ABL1: variants seen among roughly 807,000 people sequenced by gnomAD.
ABL1 encodes the protein tyrosine-protein kinase ABL1.
In ABL1, 11 loss-of-function variants were observed where a neutral mutation model predicts 94.7. The ratio of observed to expected loss-of-function variants is 0.12; its 90% CI spans 0.07 to 0.19. The LOEUF (loss-of-function observed/expected upper bound fraction) is 0.19. Ranked by LOEUF, ABL1 falls within the 10% of genes least tolerant of loss-of-function variation. ABL1 has a pLI of 1.00. For missense variants in ABL1, 1,082 were observed against 1,489.4 expected (o/e 0.73, Z 4.50); for synonymous variants, 656 against 622.4 (o/e 1.05, Z -0.80).
At chr9:130,773,836 G>A (rs1455428919) in intron 1 of ABL1, among the ~76,000 whole-genome samples, 4 of 151,888 alleles carry the variant, frequency 2.6e-5, no homozygotes, top group African/African-American at 7.3e-5. Context: ...CATATATAAA[G>A]TATACAATTT....
At chr9:130,825,142 G>A (rs1197644324) in intron 1 of ABL1, among the ~76,000 whole-genome samples, 1 of 152,206 alleles carries the variant, frequency 6.6e-6, no homozygotes. Flanking sequence ...CATACTGGAG[G>A]AGACTATACT....
rs56263750 is a variant in ABL1, at chr9:130,750,192, C to CAT, written c.136+35780_136+35781dup. Among the ~76,000 whole-genome samples the CAT allele has an allele frequency of 9.6e-3, 1,011 of 105,832 alleles. 12 individuals carry two copies. The highest frequency in any genetic ancestry group is 0.014 in the Non-Finnish European group (702 of 49,428). 69.4% of individuals were successfully genotyped at this position (105,832 alleles called of 152,430 possible). A position where few individuals can be genotyped will look rare whatever the true frequency, so the allele number is the denominator to read the frequency against. On this transcript the variant is annotated intron_variant, in intron 1 of 10. Coordinates refer to the ABL1 transcript ENST00000372348. ...ACCCTGACTCAAGAAAAAAAAAATA[C>CAT]ATATATATATATATATATATATATA...
chr9:130,823,032 G>A (rs1371772499), intron 1 of ABL1, among the ~76,000 whole-genome samples: 2 of 152,026 alleles, frequency 1.3e-5, no homozygotes, highest in Non-Finnish European at 2.9e-5. Context: ...TACTGACCTC[G>A]TGATCCTCCC....
At chr9:130,838,488 C>T (rs1203121749) in intron 1 of ABL1, among the ~76,000 whole-genome samples, 1 of 151,600 alleles carries the variant, frequency 6.6e-6, no homozygotes, top group Non-Finnish European at 1.5e-5. Flanking sequence ...AAAGTAATTC[C>T]CTCTCCTATT....
chr9:130,730,548 TA>T (rs1831650915), intron 1 of ABL1, among the ~76,000 whole-genome samples: 1 of 152,146 alleles, frequency 6.6e-6, no homozygotes, highest in South Asian at 2.1e-4. Flanking sequence ...CATTGATTTT[TA>T]GGAGTTATTT....
intron 1 of ABL1, among the ~76,000 whole-genome samples, chr9:130,754,938 C>T (rs530525738): frequency 3.3e-5 from 5 of 151,978 alleles, no homozygotes; most frequent in Non-Finnish European, 4.4e-5. Flanking sequence ...CAGAGGAGTA[C>T]GTGGAGTAAG....
intron 1 of ABL1, among the ~76,000 whole-genome samples, chr9:130,730,188 A>T (rs953233907): frequency 2.0e-5 from 3 of 151,702 alleles, no homozygotes; most frequent in Non-Finnish European, 2.9e-5. Flanking sequence ...GAATATGGAC[A>T]TGTGCCACCA....
At chr9:130,841,420 T>C (rs942839287) in intron 1 of ABL1, among the ~76,000 whole-genome samples, 2 of 151,936 alleles carry the variant, frequency 1.3e-5, no homozygotes, top group African/African-American at 4.8e-5. Flanking sequence ...AATCTTATAA[T>C]GTTTTTAAGA....
At chr9:130,882,876 T>C (rs1006387368) in intron 10 of ABL1, among the ~76,000 whole-genome samples, 1 of 152,008 alleles carries the variant, frequency 6.6e-6, no homozygotes, top group Non-Finnish European at 1.5e-5. Context: ...ATTTAAAGAG[T>C]GCCCATTAAA....
Position 130,868,520 on chromosome 9 carries a change from CTT to C in ABL1, c.823-3589_823-3588del, listed in dbSNP as rs71389371. Among the ~76,000 whole-genome samples the C allele has an allele frequency of 8.5e-3, 951 of 112,064 alleles. 17 individuals are homozygous for C. Among genetic ancestry groups the C allele is most frequent in the African/African-American group, 0.03 (894 of 29,782 alleles). The allele number at this position is 112,064 out of a possible 152,430, so 73.5% of individuals were successfully genotyped here. A position where few individuals can be genotyped will look rare whatever the true frequency, so the allele number is the denominator to read the frequency against. Reference sequence around the variant, plus strand: ...GCCAAGCCATTTCTTTTTTCTTTTTCTTTTTTTTTTTTTTTTTTTTTCAGACA... The same window carrying C: ...GCCAAGCCATTTCTTTTTTCTTTTTCTTTTTTTTTTTTTTTTTTTCAGACA... On this transcript the variant is annotated intron_variant, in intron 4 of 10. Coordinates refer to ENST00000318560, the MANE Select transcript of ABL1 (RefSeq NM_005157.6).
intron 1 of ABL1, among the ~76,000 whole-genome samples, chr9:130,789,978 T>C (rs1454610444): frequency 6.6e-6 from 1 of 152,182 alleles, no homozygotes; most frequent in Non-Finnish European, 1.5e-5. Context: ...CTACAGGGAA[T>C]GGCAAAGAGA....
intron 1 of ABL1, among the ~76,000 whole-genome samples, chr9:130,766,285 G>C (rs1414747575): frequency 6.6e-6 from 1 of 152,164 alleles, no homozygotes; most frequent in African/African-American, 2.4e-5. Flanking sequence ...GGGCAGGACA[G>C]ATGCCTTACT....
At chr9:130,830,387 C>G (rs899581203), upstream of ABL1, among the ~76,000 whole-genome samples, 8 of 152,256 alleles carry the variant, frequency 5.3e-5, no homozygotes, top group African/African-American at 1.9e-4. Context: ...GAATTAGGCC[C>G]CCATTCAAGA....
chr9:130,735,961 A>ATATTTTTTT lies in ABL1; in HGVS notation c.136+21507_136+21508insATTTTTTTT, dbSNP rs573602038. Among the ~76,000 whole-genome samples, 666 of 94,768 alleles carry ATATTTTTTT rather than the reference A, an allele frequency of 7.0e-3. 6 individuals are homozygous for ATATTTTTTT. Among genetic ancestry groups the ATATTTTTTT allele is most frequent in the Non-Finnish European group, 8.3e-3 (475 of 57,206 alleles). 62.2% of individuals were successfully genotyped at this position (94,768 alleles called of 152,430 possible). A position where few individuals can be genotyped will look rare whatever the true frequency, so the allele number is the denominator to read the frequency against. ...TATATATATATATATATATATATAT[A>ATATTTTTTT]TTTTTTTTTTTTAAGACAGGGTCTG... On this transcript the variant is annotated intron_variant, in intron 1 of 10. Transcript: ENST00000372348.
At chr9:130,876,411 C>CTTT (rs60634610) in intron 7 of ABL1, among the ~76,000 whole-genome samples, 4 of 142,492 alleles carry the variant, frequency 2.8e-5, no homozygotes, top group Admixed American at 7.0e-5. Context: ...ATTACTTTTT[C>CTTT]TTTTTTTTTT....
At chr9:130,787,863 C>T (rs900273007) in intron 1 of ABL1, among the ~76,000 whole-genome samples, 1 of 152,188 alleles carries the variant, frequency 6.6e-6, no homozygotes, top group Non-Finnish European at 1.5e-5. Flanking sequence ...TTGCGTGTCC[C>T]ATTTCTCCTT....
chr9:130,796,649 T>G (rs1350776493), intron 1 of ABL1, among the ~76,000 whole-genome samples: 1 of 151,968 alleles, frequency 6.6e-6, no homozygotes, highest in African/African-American at 2.4e-5. Context: ...CTAAATCAGC[T>G]AGTTCATAAA....
At position 130,880,423 on chromosome 9, in the gene ABL1, AAG is replaced by A; in HGVS notation, c.1514-73_1514-72del. The A allele has an allele frequency of 1.9e-6, 3 of 1,543,876 alleles. No homozygotes were observed. Among genetic ancestry groups the A allele is most frequent in the Non-Finnish European group, 2.6e-6 (3 of 1,132,506 alleles). ...GATGAGCACTGTTACCTTACAAAGA[AAG>A]AGAACCACCACACCAAGCCAACACC... On this transcript the variant is annotated intron_variant, in intron 9 of 10. Coordinates refer to ENST00000318560, the MANE Select transcript of ABL1 (RefSeq NM_005157.6). This position sits in a 1 kb window ranked among gnomAD's most constrained non-coding sequence, Gnocchi z 4.4.
chr9:130,887,637 CTG>C lies in ABL1; in HGVS notation c.*1956_*1957del, dbSNP rs1831612621. 1 of 228,174 alleles carries C rather than the reference CTG, an allele frequency of 4.4e-6. No individual in the cohort carries two copies. The allele number at this position is 228,174 out of a possible 1,614,324, so 14.1% of individuals were successfully genotyped here. On this transcript the variant is annotated 3_prime_UTR_variant, in exon 11 of 11. Transcript: ENST00000318560. ...TTTTTTTTGAATCCAAATCTGTCCT[CTG>C]TAGTATTTTTTAAATAAATCAGTGT...
Sources: gnomAD v4.1 joint callset for allele counts (sites outside exome capture counted in the v4.1 genomes callset) on GRCh38, gnomAD v4.1.1 for gene constraint, Gnocchi (gnomAD v3.1) non-coding constraint, MANE v1.5 for transcripts, NCBI Gene and HGNC (gene_info 2026-07-23, HGNC 2026-07-21) for gene names.